Variants in C16orf96 observed in about 807,000 individuals in gnomAD.
C16orf96 encodes uncharacterized protein C16orf96.
A neutral mutation model predicts 103.6 loss-of-function variants in C16orf96; 108 were observed. The ratio of observed to expected loss-of-function variants is 1.04; its 90% CI spans 0.89 to 1.22. C16orf96 has a LOEUF of 1.22. C16orf96 is among the 50% of genes most tolerant of loss of function. The pLI is 0.00. For synonymous variants in C16orf96, 566 were observed against 593.5 expected (o/e 0.95, Z 0.67); for missense variants, 1,586 against 1,464.2 (o/e 1.08, Z -1.36).
At chr16:4,554,132 A>G (rs1022729971), upstream of C16orf96, among the ~76,000 whole-genome samples, 20 of 152,102 alleles carry the variant, frequency 1.3e-4, no homozygotes, top group African/African-American at 4.8e-4. Flanking sequence ...GAGCCTGACC[A>G]TACCTCATAT....
chr16:4,553,812 T>C (rs2059241397), upstream of C16orf96, among the ~76,000 whole-genome samples: 2 of 152,136 alleles, frequency 1.3e-5, no homozygotes, highest in African/African-American at 2.4e-5. Context: ...CCTGGCATGT[T>C]ACATATGTTA....
At chr16:4,581,680 A>T (rs565948576) in intron 7 of C16orf96, among the ~76,000 whole-genome samples, 2 of 152,056 alleles carry the variant, frequency 1.3e-5, no homozygotes, top group African/African-American at 4.8e-5. Flanking sequence ...GTGGTGGCTC[A>T]TACCTGTGAT....
chr16:4,584,922 C>A (rs1156560695), intron 7 of C16orf96, among the ~76,000 whole-genome samples: 1 of 152,200 alleles, frequency 6.6e-6, no homozygotes, highest in Non-Finnish European at 1.5e-5. Context: ...CCACCCACCT[C>A]AGCCTCCCAA....
chr16:4,593,239 C>A lies in C16orf96; in HGVS notation c.2790C>A (p.Ile930=), dbSNP rs1177352198. The A allele has an allele frequency of 8.4e-6, 13 of 1,551,076 alleles. No homozygotes were observed. The East Asian group carries it at 2.9e-4, about 35-fold the overall frequency. ...CCTCCAACAGACAGCTGATCACCAT[C>A]CGCAAAGCCCACCTGCTGTCCCGGC... is the stretch of plus-strand genomic sequence containing the variant. ...EMMTGPQLIT[I]RKAHLLSRLR... The change falls in exon 12 of 16, where the codon ATC becomes ATA. Residue 930 remains isoleucine, a synonymous_variant. Transcript: ENST00000444310. This position sits in a 1 kb window ranked among gnomAD's most constrained non-coding sequence, Gnocchi z 4.2.
chr16:4,562,461 C>CAAAA (rs71402546), intron 1 of C16orf96, among the ~76,000 whole-genome samples: 2 of 142,028 alleles, frequency 1.4e-5, no homozygotes, highest in Non-Finnish European at 1.5e-5. Flanking sequence ...AAGACTGTGT[C>CAAAA]AAAAAAAAAA....
At chr16:4,541,291 G>A in the C16orf96 span, among the ~76,000 whole-genome samples, 3 of 152,174 alleles carry the variant, frequency 2.0e-5, no homozygotes, top group Non-Finnish European at 2.9e-5. Context: ...ATTATTTATG[G>A]ATTTTGTGTT....
chr16:4,594,241 G>C, intron 12 of C16orf96, 110 bp from the exon 13 acceptor site: 1 of 1,302,546 alleles, frequency 7.7e-7, no homozygotes, highest in South Asian at 1.5e-5. Context: ...CTAAACACAA[G>C]CTGAAAGAAA....
chr16:4,581,633 A>C (rs1040083524), intron 7 of C16orf96, among the ~76,000 whole-genome samples: 2 of 151,956 alleles, frequency 1.3e-5, no homozygotes, highest in African/African-American at 2.4e-5. Context: ...ACTCCGTCTC[A>C]AAAAACAAAA....
chr16:4,594,408 C>A lies in C16orf96; in HGVS notation c.2925C>A (p.Asp975Glu). ...GTATCCAGGAGGATTGTCAGCAGGA[C>A]TGGGGTGATGGCCCCCAAAACGCCA... ...DLGIQEDCQQ[D>E]WGDGPQNATS... is the part of the protein sequence containing the mutation. The change falls in exon 13 of 16, where the codon GAC becomes GAA. Residue 975 changes from aspartate (D) to glutamate (E), a missense_variant. Coordinates refer to ENST00000444310, the MANE Select transcript of C16orf96 (RefSeq NM_001145011.2). 1.3e-6 allele frequency: 2 copies of A among 1,551,406 alleles called. No individual in the cohort carries two copies. The highest frequency in any genetic ancestry group is 1.7e-6 in the Non-Finnish European group (2 of 1,147,002).
chr16:4,594,866 G>A (rs1036323477), intron 14 of C16orf96, 63 bp downstream of exon 14: 33 of 1,505,290 alleles, frequency 2.2e-5, no homozygotes, highest in Non-Finnish European at 2.7e-5. Context: ...TGGGCAGGGT[G>A]AGAGGGTGCA....
chr16:4,548,951 G>T, the C16orf96 span, among the ~76,000 whole-genome samples: 122 of 151,886 alleles, frequency 8.0e-4, no homozygotes, highest in African/African-American at 2.9e-3. Flanking sequence ...CAACACAGTG[G>T]CACTGGGGAT....
chr16:4,586,812 A>T (rs1488947996), intron 7 of C16orf96, among the ~76,000 whole-genome samples: 1 of 152,144 alleles, frequency 6.6e-6, no homozygotes, highest in African/African-American at 2.4e-5. Context: ...AGTTCCTATG[A>T]TACCATCTCT....
chr16:4,565,711 A>T (rs907565986), intron 1 of C16orf96, among the ~76,000 whole-genome samples: 6 of 151,780 alleles, frequency 4.0e-5, no homozygotes, highest in African/African-American at 4.8e-5. Context: ...CTGATCTCGA[A>T]CTCCTGACCT....
At chr16:4,546,464 T>TTC in the C16orf96 span, among the ~76,000 whole-genome samples, 1 of 147,284 alleles carries the variant, frequency 6.8e-6, no homozygotes, top group Non-Finnish European at 1.5e-5. Flanking sequence ...GGACTTTTTT[T>TTC]TTTTTTTTTT....
chr16:4,579,242 G>C (rs2059552891), intron 6 of C16orf96, among the ~76,000 whole-genome samples: 1 of 152,046 alleles, frequency 6.6e-6, no homozygotes, highest in African/African-American at 2.4e-5. Context: ...ACGGTTCTGT[G>C]TCTCAGGTGG....
chr16:4,584,043 A>T (rs1896855901), intron 7 of C16orf96, among the ~76,000 whole-genome samples: 2 of 152,100 alleles, frequency 1.3e-5, no homozygotes, highest in Non-Finnish European at 2.9e-5. Context: ...TAGGAAAACC[A>T]TTTCAAGGAA....
rs188043233 is a variant in C16orf96 at position 4,557,445 on chromosome 16, G to A, written c.420+536G>A. 8.5e-5 allele frequency among the ~76,000 whole-genome samples: 13 copies of A among 152,276 alleles called. No homozygotes were observed. The South Asian group carries it at 1.5e-3, about 17-fold the overall frequency. ...ACCCAGTGTATGATTCCATTTATACGAAATGTCCAGAATAGGTAAATCCAT... is the reference window on the plus strand; with the variant it reads ...ACCCAGTGTATGATTCCATTTATACAAAATGTCCAGAATAGGTAAATCCAT... On this transcript the variant is annotated intron_variant, in intron 1 of 15. Transcript: ENST00000444310.
intron 1 of C16orf96, chr16:4,563,088 GT>G: frequency 1.3e-6 from 1 of 791,120 alleles, no homozygotes; most frequent in Non-Finnish European, 2.2e-6. Flanking sequence ...TTCTTTACAG[GT>G]TTTTCTGGAG....
chr16:4,556,480 C>A lies in C16orf96; in HGVS notation c.-10C>A. ...CTGGAACCCCAGCCCCACTGACCCA[C>A]CCTGGCAGGATGAGCTTCTCACTCA... is the stretch of plus-strand genomic sequence containing the variant. On this transcript the variant is annotated 5_prime_UTR_variant, in exon 1 of 16. Coordinates refer to ENST00000444310, the MANE Select transcript of C16orf96 (RefSeq NM_001145011.2). 2 of 1,516,686 alleles carry A rather than the reference C, an allele frequency of 1.3e-6. No individual in the cohort carries two copies. Among genetic ancestry groups the A allele is most frequent in the Non-Finnish European group, 1.8e-6 (2 of 1,125,436 alleles). 94.0% of individuals were successfully genotyped at this position (1,516,686 alleles called of 1,614,324 possible).
Sources: gnomAD v4.1 joint callset for allele counts (sites outside exome capture counted in the v4.1 genomes callset) on GRCh38, gnomAD v4.1.1 for gene constraint, Gnocchi (gnomAD v3.1) non-coding constraint, MANE v1.5 for transcripts, NCBI Gene and HGNC (gene_info 2026-07-23, HGNC 2026-07-21) for gene names.